The following NTRK3 variants were observed in gnomAD, a reference collection of about 807,000 sequenced individuals.
The protein encoded by NTRK3 is neurotrophic receptor tyrosine kinase 3.
Under a neutral mutation model 91.7 loss-of-function variants are expected in NTRK3, and 24 were observed. The ratio of observed to expected loss-of-function variants is 0.26; its 90% CI spans 0.19 to 0.37. NTRK3 has a LOEUF of 0.37. Ranked by LOEUF, NTRK3 falls within the 10% of genes least tolerant of loss-of-function variation. NTRK3 has a pLI of 1.00. For missense variants in NTRK3, 880 were observed against 1,068.9 expected, an observed-to-expected ratio of 0.82 and a Z score of 2.46; for synonymous variants, 483 against 404.0, an observed-to-expected ratio of 1.20 and a Z score of -2.34.
chr15:88,044,497 G>A (rs533912021), intron 13 of NTRK3, among the ~76,000 whole-genome samples: 92 of 151,870 alleles, frequency 6.1e-4, no homozygotes, highest in African/African-American at 2.1e-3. Context: ...TCCTGACCTC[G>A]TGATCTGCCC....
intron 14 of NTRK3, among the ~76,000 whole-genome samples, chr15:87,991,625 G>A (rs188309248): frequency 6.6e-6 from 1 of 152,150 alleles, no homozygotes; most frequent in African/African-American, 2.4e-5. Flanking sequence ...TTTCTGACAG[G>A]CCAATTCTCT....
intron 3 of NTRK3, among the ~76,000 whole-genome samples, chr15:88,203,604 G>A (rs1020928923): frequency 6.6e-6 from 1 of 152,206 alleles, no homozygotes; most frequent in Non-Finnish European, 1.5e-5. Flanking sequence ...TTAGATGGAA[G>A]AAATAAGACC....
chr15:88,183,599 T>C (rs2046704797), intron 4 of NTRK3, 110 bp from the exon 5 acceptor site: 1 of 994,102 alleles, frequency 1.0e-6, no homozygotes, highest in African/African-American at 1.6e-5. Flanking sequence ...AGCCGCCCTG[T>C]GGATTATCTA....
intron 14 of NTRK3, among the ~76,000 whole-genome samples, chr15:88,002,573 G>A (rs2076189555): frequency 6.6e-6 from 1 of 151,710 alleles, no homozygotes; most frequent in African/African-American, 2.4e-5. Context: ...TTTTGATCCT[G>A]GAATGGCAAA....
chr15:88,058,542 G>C (rs1010224602), intron 13 of NTRK3, among the ~76,000 whole-genome samples: 33 of 152,166 alleles, frequency 2.2e-4, no homozygotes, highest in African/African-American at 7.7e-4. Flanking sequence ...CCTAGTATTG[G>C]CATTTTTTAA....
At chr15:87,952,635 T>A (rs1196474318) in intron 14 of NTRK3, among the ~76,000 whole-genome samples, 1 of 152,048 alleles carries the variant, frequency 6.6e-6, no homozygotes, top group Non-Finnish European at 1.5e-5. Context: ...CACTCCATTA[T>A]TCCCGGCACC....
At chr15:87,889,608 C>G (rs933181419) in intron 17 of NTRK3, among the ~76,000 whole-genome samples, 10 of 151,872 alleles carry the variant, frequency 6.6e-5, no homozygotes, top group Non-Finnish European at 1.2e-4. Context: ...TTTCATAATG[C>G]ATGGGCTGAG....
At chr15:87,865,438 G>T (rs752060764) in exon 19 of NTRK3, 10 of 213,838 alleles carry the variant, frequency 4.7e-5, no homozygotes, top group Admixed American at 1.2e-4. Flanking sequence ...ACATTTCTCC[G>T]TGGGAATCCC....
rs370459203 is a variant in NTRK3 at position 88,122,675 on chromosome 15, G to C, written c.1396+3596C>G. ...TTTTTATTTCTCAGAAGGAAGTAAA[G>C]CTCCTATTAGTAGGCCCTCCCTATC... On this transcript the variant is annotated intron_variant, in intron 13 of 18. Transcript: ENST00000394480. 1.3e-4 allele frequency among the ~76,000 whole-genome samples: 20 copies of C among 152,176 alleles called. No homozygotes were observed. The East Asian group carries it at 1.9e-3, about 15-fold the overall frequency.
intron 17 of NTRK3, among the ~76,000 whole-genome samples, chr15:87,923,820 TG>T (rs1025568538): frequency 1.3e-5 from 2 of 151,782 alleles, no homozygotes; most frequent in African/African-American, 4.8e-5. Context: ...ATCATGAGAG[TG>T]GGTTTGTTAT....
At chr15:88,036,327 G>C (rs2079066945) in intron 13 of NTRK3, among the ~76,000 whole-genome samples, 1 of 151,538 alleles carries the variant, frequency 6.6e-6, no homozygotes, top group Non-Finnish European at 1.5e-5. Context: ...GAAAGACAAT[G>C]GAATCATTCT....
At chr15:88,016,653 A>C (rs1250396305) in intron 14 of NTRK3, among the ~76,000 whole-genome samples, 1 of 152,208 alleles carries the variant, frequency 6.6e-6, no homozygotes, top group Non-Finnish European at 1.5e-5. Context: ...GATACTTTTA[A>C]TACAAGAGAC....
chr15:88,174,066 C>G (rs1357910215), intron 5 of NTRK3, among the ~76,000 whole-genome samples: 1 of 152,184 alleles, frequency 6.6e-6, no homozygotes, highest in Non-Finnish European at 1.5e-5. Flanking sequence ...GCCTGCCCCT[C>G]CAGGGAGGTG....
intron 13 of NTRK3, among the ~76,000 whole-genome samples, chr15:88,044,791 C>T (rs906042120): frequency 6.6e-6 from 1 of 152,182 alleles, no homozygotes; most frequent in African/African-American, 2.4e-5. Context: ...TGTGTGCTCA[C>T]ACTCAGCTCA....
intron 17 of NTRK3, among the ~76,000 whole-genome samples, chr15:87,881,191 C>G (rs2065224128): frequency 6.6e-6 from 1 of 152,154 alleles, no homozygotes; most frequent in South Asian, 2.1e-4. Context: ...TCCTCTTTGC[C>G]CAGCAGGCTA....
At chr15:88,099,131 C>T (rs561060769) in intron 13 of NTRK3, 2 of 231,012 alleles carry the variant, frequency 8.7e-6, no homozygotes, top group African/African-American at 4.4e-5. Flanking sequence ...AGAATAGAGG[C>T]TGAAGATCAT....
intron 14 of NTRK3, among the ~76,000 whole-genome samples, chr15:87,952,239 GAAAA>G (rs977270951): frequency 4.0e-5 from 6 of 148,626 alleles, no homozygotes; most frequent in Admixed American, 2.7e-4. Context: ...GAAAAGAAAA[GAAAA>G]AGAAAGAAAG....
chr15:88,048,961 G>A (rs76276862), intron 13 of NTRK3, among the ~76,000 whole-genome samples: 247 of 152,244 alleles, frequency 1.6e-3, no homozygotes, highest in Non-Finnish European at 2.5e-3. Context: ...AAGGTCAACC[G>A]TAACCTCCCA....
intron 3 of NTRK3, chr15:88,210,087 C>A (rs939399354): frequency 9.2e-5 from 14 of 152,298 alleles, no homozygotes; most frequent in African/African-American, 3.1e-4. Flanking sequence ...CATGGTGCTA[C>A]ACAAATAACA....
Sources: allele counts gnomAD v4.1 joint callset (sites outside exome capture counted in the v4.1 genomes callset), GRCh38; gene constraint gnomAD v4.1.1; transcripts MANE v1.5; gene names NCBI Gene and HGNC (gene_info 2026-07-23, HGNC 2026-07-21).